The following SPECC1 variants were observed in gnomAD, a reference collection of about 807,000 sequenced individuals.
SPECC1 encodes the protein cytospin-B.
Under a neutral mutation model 104.1 loss-of-function variants are expected in SPECC1, and 62 were observed. The ratio of observed to expected loss-of-function variants is 0.60; its 90% CI spans 0.49 to 0.74. SPECC1 has a LOEUF of 0.74. Ranked by LOEUF, SPECC1 falls within the 30% of genes least tolerant of loss-of-function variation. SPECC1 has a pLI of 0.00. For missense variants in SPECC1, 1,306 were observed against 1,310.5 expected, an observed-to-expected ratio of 1.00 and a Z score of 0.05; for synonymous variants, 513 against 501.6, an observed-to-expected ratio of 1.02 and a Z score of -0.30.
chr17:20,250,640 A>G (rs1048511878), intron 9 of SPECC1, among the ~76,000 whole-genome samples: 3 of 152,252 alleles, frequency 2.0e-5, no homozygotes, highest in African/African-American at 7.2e-5. Flanking sequence ...TGGCTTCACC[A>G]TGAAACCTCC....
At chr17:20,195,795 C>T (rs959155799) in intron 3 of SPECC1, among the ~76,000 whole-genome samples, 2 of 152,122 alleles carry the variant, frequency 1.3e-5, no homozygotes, top group African/African-American at 4.8e-5. Flanking sequence ...ATAAATCTTT[C>T]CAATCTTAAT....
At chr17:20,288,829 G>T (rs2041054056) in intron 12 of SPECC1, among the ~76,000 whole-genome samples, 2 of 136,564 alleles carry the variant, frequency 1.5e-5, no homozygotes, top group South Asian at 2.3e-4. Context: ...TGTTGCCCAG[G>T]CTGGAGTGCA....
At chr17:20,297,961 G>T (rs956953412) in intron 13 of SPECC1, among the ~76,000 whole-genome samples, 4 of 152,218 alleles carry the variant, frequency 2.6e-5, no homozygotes, top group Admixed American at 2.0e-4. Context: ...AAATTAGCAA[G>T]GATAAGTGGT....
At chr17:20,031,360 C>T (rs1404671037) in intron 1 of SPECC1, among the ~76,000 whole-genome samples, 1 of 151,948 alleles carries the variant, frequency 6.6e-6, no homozygotes, top group Non-Finnish European at 1.5e-5. Flanking sequence ...GCTCTTATTG[C>T]CCAGGCTAGA....
At chr17:20,012,621 T>G (rs899782019) in intron 1 of SPECC1, among the ~76,000 whole-genome samples, 12 of 152,108 alleles carry the variant, frequency 7.9e-5, no homozygotes, top group Non-Finnish European at 1.2e-4. Context: ...TTTCTGTGTC[T>G]TCTTTAATTG....
intron 13 of SPECC1, among the ~76,000 whole-genome samples, chr17:20,302,386 C>T: frequency 6.6e-6 from 1 of 152,170 alleles, no homozygotes; most frequent in Non-Finnish European, 1.5e-5. Context: ...CTGAAGCTTA[C>T]AGCCCGTGGG....
intron 3 of SPECC1, among the ~76,000 whole-genome samples, chr17:20,124,004 G>A (rs1483532281): frequency 6.6e-6 from 1 of 152,168 alleles, no homozygotes; most frequent in Non-Finnish European, 1.5e-5. Context: ...ACCATGGATG[G>A]GTTGGCTTGC....
intron 2 of SPECC1, among the ~76,000 whole-genome samples, chr17:20,097,400 C>T (rs1489763718): frequency 6.6e-6 from 1 of 152,226 alleles, no homozygotes; most frequent in Admixed American, 6.5e-5. Context: ...TAGCACCTAC[C>T]TCATGCAATA....
At chr17:20,139,428 G>A (rs1271602603) in intron 3 of SPECC1, among the ~76,000 whole-genome samples, 2 of 152,174 alleles carry the variant, frequency 1.3e-5, no homozygotes, top group African/African-American at 2.4e-5. Flanking sequence ...GGATGCAGCA[G>A]TTAACGACAA....
chr17:20,235,124 G>C (rs2038832050), intron 7 of SPECC1, among the ~76,000 whole-genome samples: 3 of 152,216 alleles, frequency 2.0e-5, no homozygotes, highest in Admixed American at 2.0e-4. Context: ...AAGCTCTGCT[G>C]TTCTCTGGAC....
chr17:20,250,685 G>A (rs1202367619), intron 9 of SPECC1, among the ~76,000 whole-genome samples: 12 of 152,160 alleles, frequency 7.9e-5, no homozygotes, highest in African/African-American at 2.7e-4. Context: ...TCAATCTTAC[G>A]TAAATTCAGA....
At chr17:20,299,537 G>A (rs146992812) in intron 13 of SPECC1, among the ~76,000 whole-genome samples, 1,456 of 135,574 alleles carry the variant, frequency 0.011, 9 homozygotes, top group Middle Eastern at 0.043. Context: ...TCCAGCCTGG[G>A]TGACAGAGAC....
intron 1 of SPECC1, among the ~76,000 whole-genome samples, chr17:20,037,173 A>G (rs1032380480): frequency 1.3e-5 from 2 of 152,154 alleles, no homozygotes; most frequent in Non-Finnish European, 2.9e-5. Flanking sequence ...CATGGTGTAT[A>G]ATTATTTTTA....
At chr17:20,176,799 C>T (rs1179390663) in intron 3 of SPECC1, among the ~76,000 whole-genome samples, 2 of 152,076 alleles carry the variant, frequency 1.3e-5, no homozygotes, top group Admixed American at 6.5e-5. Context: ...TTATATTGAG[C>T]CCAGCAGAGA....
intron 8 of SPECC1, 95 bp from the exon 9 acceptor site, chr17:20,247,124 T>C: frequency 1.1e-6 from 1 of 930,118 alleles, no homozygotes; most frequent in East Asian, 2.6e-5. Context: ...GGATACTCCT[T>C]AAGCCACCAA....
chr17:20,267,506 G>A (rs531546314), intron 12 of SPECC1, among the ~76,000 whole-genome samples: 1 of 152,158 alleles, frequency 6.6e-6, no homozygotes, highest in Non-Finnish European at 1.5e-5. Context: ...GACACAGGGA[G>A]ATGGTCTGGA....
chr17:20,301,424 T>A (rs532068809), intron 13 of SPECC1, among the ~76,000 whole-genome samples: 5 of 151,172 alleles, frequency 3.3e-5, no homozygotes, highest in South Asian at 4.2e-4. Context: ...TTTTTTTTTT[T>A]AATTTACACT....
intron 1 of SPECC1, among the ~76,000 whole-genome samples, chr17:20,080,257 A>G (rs2046915424): frequency 6.6e-6 from 1 of 152,180 alleles, no homozygotes; most frequent in South Asian, 2.1e-4. Context: ...TATGGGAGAA[A>G]GGGAATGTAT....
intron 1 of SPECC1, among the ~76,000 whole-genome samples, chr17:20,043,153 T>A (rs1274138420): frequency 3.3e-5 from 5 of 152,218 alleles, no homozygotes; most frequent in African/African-American, 9.6e-5. Flanking sequence ...CCCTTGTGAT[T>A]AGCTTCAAAC....
Sources: allele counts gnomAD v4.1 joint callset (sites outside exome capture counted in the v4.1 genomes callset), GRCh38; gene constraint gnomAD v4.1.1; transcripts MANE v1.5; gene names NCBI Gene and HGNC (gene_info 2026-07-23, HGNC 2026-07-21).